The following NR2E1 variants were observed in gnomAD, a reference collection of about 807,000 sequenced individuals.
NR2E1 encodes nuclear receptor subfamily 2 group E member 1.
NR2E1 carries 5 observed loss-of-function variants against 43.6 expected under a neutral mutation model. The ratio of observed to expected loss-of-function variants is 0.11; its 90% CI spans 0.06 to 0.24. The LOEUF (loss-of-function observed/expected upper bound fraction) is 0.24. Ranked by LOEUF, NR2E1 falls within the 10% of genes least tolerant of loss-of-function variation. The pLI is 1.00. For synonymous variants in NR2E1, 191 were observed against 195.5 expected (o/e 0.98, Z 0.19); for missense variants, 287 against 496.7 (o/e 0.58, Z 4.01).
At chr6:108,175,645 C>CGA (rs1773883862) in intron 3 of NR2E1, among the ~76,000 whole-genome samples, 1 of 152,164 alleles carries the variant, frequency 6.6e-6, no homozygotes, top group Non-Finnish European at 1.5e-5. Flanking sequence ...CTGTCGAGGG[C>CGA]GCCCCAGGCC....
In NR2E1 at chr6:108,180,340, T is replaced by C; in HGVS notation, c.660T>C (p.Asp220=). The C allele has an allele frequency of 6.2e-7, 1 of 1,611,560 alleles. No homozygotes were observed. The change falls in exon 6 of 9, where the codon GAT becomes GAC. Residue 220 remains aspartate (D), a synonymous_variant. Transcript: ENST00000368986. This position sits in a 1 kb window ranked among gnomAD's most constrained non-coding sequence, Gnocchi z 5.4. ...TATGACAGCTGATGCTTTTGGAAGA[T>C]GCTTGGAGAGAACTGTTTGTTCTAG... is the stretch of plus-strand genomic sequence containing the variant. The part of the protein sequence containing the change: ...SLQDQLMLLE[D]AWRELFVLGI...
intron 5 of NR2E1, 90 bp downstream of exon 5, chr6:108,178,331 AC>A: frequency 7.2e-7 from 1 of 1,386,074 alleles, no homozygotes; most frequent in African/African-American, 1.4e-5. Flanking sequence ...CCCTGGGTAA[AC>A]CACCCAAGGC....
At chr6:108,177,763 A>G (rs1346041987) in intron 4 of NR2E1, among the ~76,000 whole-genome samples, 1 of 152,248 alleles carries the variant, frequency 6.6e-6, no homozygotes, top group Non-Finnish European at 1.5e-5. Context: ...ACACAAATGC[A>G]AGCAGCTCTT....
Position 108,166,906 on chromosome 6 carries a change from C to A in NR2E1, c.25+116C>A. On this transcript the variant is annotated intron_variant, in intron 1 of 8. Transcript: ENST00000368986. The surrounding 1 kb of genome is among the most constrained non-coding windows in gnomAD (Gnocchi z 7.2). ...CGAATCTGAGCCCCTGAGAGGGATTCCAGCGGGCGTGTGCGTTCGGCCCAG... is the reference window on the plus strand; with the variant it reads ...CGAATCTGAGCCCCTGAGAGGGATTACAGCGGGCGTGTGCGTTCGGCCCAG... 8.9e-7 allele frequency: 1 copy of A among 1,121,654 alleles called. No homozygotes were observed. The highest frequency in any genetic ancestry group is 1.3e-6 in the Non-Finnish European group (1 of 769,934). The allele number at this position is 1,121,654 out of a possible 1,614,324, so 69.5% of individuals were successfully genotyped here. A position where few individuals can be genotyped will look rare whatever the true frequency, so the allele number is the denominator to read the frequency against.
rs1294090680 is a variant in NR2E1 at position 108,180,995 on chromosome 6, GT to G, written c.889+43del. 3.1e-6 allele frequency: 5 copies of G among 1,611,812 alleles called. No homozygotes were observed. The Admixed American group carries it at 6.7e-5, about 21-fold the overall frequency. ...GACCCCTGTTTCTTCTCCTTCCCCAGTTTTGCCACCTCACTAATTCAGCCAC... is the reference window on the plus strand; with the variant it reads ...GACCCCTGTTTCTTCTCCTTCCCCAGTTTGCCACCTCACTAATTCAGCCAC... On this transcript the variant is annotated intron_variant, in intron 7 of 8. Coordinates refer to ENST00000368986, the MANE Select transcript of NR2E1 (RefSeq NM_003269.5). This position sits in a 1 kb window ranked among gnomAD's most constrained non-coding sequence, Gnocchi z 5.4.
At chr6:108,170,330 GTTAA>G (rs923326911) in intron 1 of NR2E1, among the ~76,000 whole-genome samples, 1 of 152,192 alleles carries the variant, frequency 6.6e-6, no homozygotes, top group Admixed American at 6.5e-5. Context: ...AAATTAAAGT[GTTAA>G]TTAAGTTAAC....
Position 108,187,480 on chromosome 6 carries a change from C to G in NR2E1, c.*17C>G. 2.5e-6 allele frequency: 4 copies of G among 1,613,552 alleles called. No homozygotes were observed. Among genetic ancestry groups the G allele is most frequent in the Non-Finnish European group, 3.4e-6 (4 of 1,179,554 alleles). On this transcript the variant is annotated 3_prime_UTR_variant, in exon 9 of 9. Coordinates refer to ENST00000368986, the MANE Select transcript of NR2E1 (RefSeq NM_003269.5). ...GATATCTAAGCTCACAAGATACCCA[C>G]TTTTCAGGATGGGACAGTATCAGAT...
rs1455293908 is a variant in NR2E1 at position 108,187,892 on chromosome 6, C to T, written c.*429C>T. On this transcript the variant is annotated 3_prime_UTR_variant, in exon 9 of 9. Transcript: ENST00000368986. ...CATCGTACTGCGGCCTTCAAAACTACGTTATGTTGGAGCATTTATTTTAAA... is the reference window on the plus strand; with the variant it reads ...CATCGTACTGCGGCCTTCAAAACTATGTTATGTTGGAGCATTTATTTTAAA... The T allele has an allele frequency of 2.1e-5, 4 of 193,398 alleles. No homozygotes were observed. The highest frequency in any genetic ancestry group is 1.1e-4 in the Admixed American group (2 of 18,942). The allele number at this position is 193,398 out of a possible 1,614,324, so 12.0% of individuals were successfully genotyped here. A position where few individuals can be genotyped will look rare whatever the true frequency, so the allele number is the denominator to read the frequency against.
chr6:108,188,536 C>CACAT lies in NR2E1; in HGVS notation c.*1076_*1077insTACA, dbSNP rs1489600217. 1 of 153,044 alleles carries CACAT rather than the reference C, an allele frequency of 6.5e-6. No individual in the cohort carries two copies. The highest frequency in any genetic ancestry group is 2.4e-5 in the African/African-American group (1 of 41,316). The allele number at this position is 153,044 out of a possible 1,614,324, so 9.5% of individuals were successfully genotyped here. On this transcript the variant is annotated 3_prime_UTR_variant, in exon 9 of 9. Transcript: ENST00000368986. ...ACACACACACACACACACACACACA[C>CACAT]ACACACACACACACACCGTCCTACA...
chr6:108,186,404 C>T (rs530891743), intron 8 of NR2E1, among the ~76,000 whole-genome samples: 1 of 152,360 alleles, frequency 6.6e-6, no homozygotes, highest in South Asian at 2.1e-4. Context: ...CAGTTAAACA[C>T]AGCCACCTGA....
chr6:108,185,524 C>T (rs1774063665), intron 8 of NR2E1, among the ~76,000 whole-genome samples: 1 of 152,086 alleles, frequency 6.6e-6, no homozygotes, highest in African/African-American at 2.4e-5. Flanking sequence ...AATTCTCCCA[C>T]CTCTGCCTTC....
chr6:108,178,037 C>A, intron 4 of NR2E1, 58 bp from the exon 5 acceptor site: 1 of 1,590,368 alleles, frequency 6.3e-7, no homozygotes, highest in Non-Finnish European at 8.6e-7. Context: ...AAGTTTGGTT[C>A]TTCTTGCAAA....
chr6:108,187,182 C>T, intron 8 of NR2E1, 119 bp from the exon 9 acceptor site: 1 of 1,188,594 alleles, frequency 8.4e-7, no homozygotes, highest in Non-Finnish European at 1.3e-6. Flanking sequence ...TGCAGGGATA[C>T]TGTGTTATTC....
rs1324745219 is a variant in NR2E1, at chr6:108,187,549, C to A, written c.*86C>A. ...AACAAGCCTCAACTAACAAACCCTT[C>A]AGGAAGCATATACCGGGGAATGTGT... is the stretch of plus-strand genomic sequence containing the variant. On this transcript the variant is annotated 3_prime_UTR_variant, in exon 9 of 9. Transcript: ENST00000368986. 13 of 1,432,500 alleles carry A rather than the reference C, an allele frequency of 9.1e-6. No homozygotes were observed. Among genetic ancestry groups the A allele is most frequent in the Middle Eastern group, 3.7e-4 (2 of 5,442 alleles). The allele number at this position is 1,432,500 out of a possible 1,614,324, so 88.7% of individuals were successfully genotyped here.
At chr6:108,173,398 C>A (rs1040136635) in intron 2 of NR2E1, among the ~76,000 whole-genome samples, 1 of 152,282 alleles carries the variant, frequency 6.6e-6, no homozygotes, top group Non-Finnish European at 1.5e-5. Context: ...AAATAATTCA[C>A]TTTGGACCCA....
chr6:108,168,051 G>A (rs1773740536), intron 1 of NR2E1: 2 of 1,601,416 alleles, frequency 1.2e-6, no homozygotes, highest in Non-Finnish European at 8.5e-7. Context: ...GGCAGAGGGA[G>A]CAGAGAAGGA....
chr6:108,168,224 T>TC (rs1773745027), intron 1 of NR2E1: 2 of 1,488,338 alleles, frequency 1.3e-6, no homozygotes, highest in South Asian at 2.6e-5. Context: ...CCCAGGAGGC[T>TC]CAGGAGGCCG....
chr6:108,184,654 T>TG (rs1163628385), intron 8 of NR2E1, among the ~76,000 whole-genome samples: 3 of 149,732 alleles, frequency 2.0e-5, no homozygotes, highest in Non-Finnish European at 4.4e-5. Context: ...GTAGGGGTCC[T>TG]GTGGGAAGTG....
In NR2E1 at chr6:108,176,612, G is replaced by T. The variant is rs1290605442; in HGVS notation, c.369G>T (p.Ala123=). 1 of 1,611,970 alleles carries T rather than the reference G, an allele frequency of 6.2e-7. No homozygotes were observed. Among genetic ancestry groups the T allele is most frequent in the Admixed American group, 1.7e-5 (1 of 59,958 alleles). Residue 123 remains alanine (A), a synonymous_variant, in exon 4 of 9, where the codon GCG becomes GCT. Transcript: ENST00000368986. The part of the protein sequence containing the change: ...ENGAAAHFPS[A]ALPAPAFFTA... ...GGGCCGCCGCGCACTTTCCCTCGGC[G>T]GCGCTCCCTGCGCCGGCCTTCTTCA... is the stretch of plus-strand genomic sequence containing the variant.
Sources: allele counts gnomAD v4.1 joint callset (sites outside exome capture counted in the v4.1 genomes callset), GRCh38; gene constraint gnomAD v4.1.1; non-coding constraint Gnocchi (gnomAD v3.1); transcripts MANE v1.5; gene names NCBI Gene and HGNC (gene_info 2026-07-23, HGNC 2026-07-21).